DENND2C: variants seen among roughly 807,000 people sequenced by gnomAD.
DENND2C encodes DENN domain-containing protein 2C.
A neutral mutation model predicts 112.4 loss-of-function variants in DENND2C; 72 were observed. The observed-to-expected ratio is 0.64, with a 90% CI of 0.53 to 0.78. DENND2C has a LOEUF of 0.78. DENND2C is among the 30% of genes least tolerant of loss of function. The pLI is 0.00. For missense variants in DENND2C, 992 were observed against 1,113.8 expected (o/e 0.89, Z 1.56); for synonymous variants, 329 against 381.6 (o/e 0.86, Z 1.61).
chr1:114,616,070 C>T (rs780016969), intron 8 of DENND2C, among the ~76,000 whole-genome samples: 1 of 145,514 alleles, frequency 6.9e-6, no homozygotes, highest in Non-Finnish European at 1.5e-5. Flanking sequence ...GCAAGACTGT[C>T]TCAAAAGAAA....
intron 16 of DENND2C, 113 bp downstream of exon 16, chr1:114,599,161 T>C: frequency 1.4e-6 from 1 of 729,496 alleles, no homozygotes; most frequent in Non-Finnish European, 2.0e-6. Flanking sequence ...AATAGAAATA[T>C]TATAAATAGC....
intron 3 of DENND2C, among the ~76,000 whole-genome samples, chr1:114,641,925 T>C (rs1656847042): frequency 6.6e-6 from 1 of 152,092 alleles, no homozygotes; most frequent in Non-Finnish European, 1.5e-5. Context: ...GTTTCCGGTA[T>C]ATATCATATA....
At chr1:114,623,475 C>A in intron 5 of DENND2C, 32 bp downstream of exon 5, 1 of 1,588,670 alleles carries the variant, frequency 6.3e-7, no homozygotes, top group Non-Finnish European at 8.6e-7. Context: ...TATATAATCA[C>A]TAAATTTAAC....
At chr1:114,635,387 C>T (rs1357507021) in intron 3 of DENND2C, among the ~76,000 whole-genome samples, 3 of 149,706 alleles carry the variant, frequency 2.0e-5, no homozygotes, top group African/African-American at 7.3e-5. Context: ...AAACAAAAAA[C>T]TGCTTCTTTG....
intron 18 of DENND2C, 132 bp downstream of exon 18, chr1:114,594,341 T>C (rs1251053911): frequency 2.8e-6 from 2 of 705,960 alleles, no homozygotes; most frequent in Admixed American, 5.2e-5. Context: ...GCAAGGAAGC[T>C]GATTATAGGA....
At chr1:114,659,269 G>A (rs1253557106) in intron 1 of DENND2C, among the ~76,000 whole-genome samples, 2 of 152,214 alleles carry the variant, frequency 1.3e-5, no homozygotes, top group Non-Finnish European at 2.9e-5. Flanking sequence ...GGGAGGTAGA[G>A]GCGGGTGGAT....
At chr1:114,601,005 T>C (rs374113151) in intron 13 of DENND2C, 45 bp from the exon 14 acceptor site, 11 of 1,562,674 alleles carry the variant, frequency 7.0e-6, no homozygotes, top group Non-Finnish European at 9.5e-6. Flanking sequence ...AGTTAAAAAA[T>C]ATAAAAGAAT....
intron 20 of DENND2C, chr1:114,587,060 G>C (rs1446735165): frequency 8.7e-6 from 2 of 228,850 alleles, no homozygotes; most frequent in Admixed American, 9.8e-5. Flanking sequence ...ACTAAACCAG[G>C]CTAATTTTTG....
intron 1 of DENND2C, among the ~76,000 whole-genome samples, chr1:114,663,192 G>A (rs1040604679): frequency 1.8e-4 from 28 of 152,108 alleles, no homozygotes; most frequent in African/African-American, 6.8e-4. Context: ...AAGAAAAAGA[G>A]AATAAAATTC....
In DENND2C at chr1:114,662,984, G is replaced by A. The variant is rs181217677; in HGVS notation, c.-574+6999C>T. On this transcript the variant is annotated intron_variant, in intron 1 of 20. Coordinates refer to ENST00000393274, the MANE Select transcript of DENND2C (RefSeq NM_001256404.2). ...AGAAAAGGAAAAGGAAGAAGGAAGAGGGAAAAGGAAAGGGAGGAAGGAAAA... is the reference window on the plus strand; with the variant it reads ...AGAAAAGGAAAAGGAAGAAGGAAGAAGGAAAAGGAAAGGGAGGAAGGAAAA... Among the ~76,000 whole-genome samples, 320 of 151,222 alleles carry A rather than the reference G, an allele frequency of 2.1e-3. 2 individuals carry two copies. Among genetic ancestry groups the A allele is most frequent in the African/African-American group, 7.2e-3 (296 of 41,152 alleles).
intron 8 of DENND2C, among the ~76,000 whole-genome samples, chr1:114,612,377 GGT>G (rs1655844644): frequency 6.7e-6 from 1 of 149,250 alleles, no homozygotes; most frequent in Non-Finnish European, 1.5e-5. Context: ...TTTGAGACAG[GGT>G]CTCACTCTGC....
chr1:114,653,374 G>A (rs1657221993), intron 2 of DENND2C, among the ~76,000 whole-genome samples: 1 of 152,068 alleles, frequency 6.6e-6, no homozygotes, highest in Admixed American at 6.6e-5. Flanking sequence ...CTCCCCAAGT[G>A]CTGGGATTAC....
chr1:114,600,479 G>A, intron 14 of DENND2C, 127 bp from the exon 15 acceptor site: 1 of 1,251,122 alleles, frequency 8.0e-7, no homozygotes, highest in Non-Finnish European at 1.1e-6. Context: ...GGTCTGTGAA[G>A]CTTCCTATAC....
At chr1:114,612,975 A>G (rs926107042) in intron 8 of DENND2C, among the ~76,000 whole-genome samples, 1 of 152,300 alleles carries the variant, frequency 6.6e-6, no homozygotes, top group South Asian at 2.1e-4. Flanking sequence ...TTTTAAATCC[A>G]TATGTTCTTT....
chr1:114,651,758 A>G (rs1657172359), intron 2 of DENND2C, among the ~76,000 whole-genome samples: 1 of 152,178 alleles, frequency 6.6e-6, no homozygotes, highest in Admixed American at 6.5e-5. Context: ...AAAAAGGAAA[A>G]GTTATTTCCA....
At position 114,625,597 on chromosome 1, in the gene DENND2C, C is replaced by T. The variant is rs758806225; in HGVS notation, c.388G>A (p.Asp130Asn). 6.2e-7 allele frequency: 1 copy of T among 1,614,096 alleles called. No homozygotes were observed. Among genetic ancestry groups the T allele is most frequent in the Admixed American group, 1.7e-5 (1 of 60,022 alleles). ...AATGAAGTCTCTGGATCTAAGACAT[C>T]TTCTTTACAGCTTTCAATTTCTTTG... Reference protein sequence around the residue: ...RVKEIESCKEDVLDPETSLPP... With the variant: ...RVKEIESCKENVLDPETSLPP... Residue 130 changes from aspartate to asparagine, a missense_variant, in exon 4 of 21, where the codon GAT becomes AAT. By Grantham distance (23) the Asp-to-Asn change is conservative (BLOSUM62 1). Around this residue, in one of 3 missense-constraint regions of DENND2C, gnomAD observed 470 missense variants for 472.7 expected, o/e 0.99. Coordinates refer to ENST00000393274, the MANE Select transcript of DENND2C (RefSeq NM_001256404.2).
intron 10 of DENND2C, among the ~76,000 whole-genome samples, chr1:114,608,276 AAAAG>A (rs1655714262): frequency 1.3e-5 from 2 of 152,256 alleles, no homozygotes; most frequent in South Asian, 4.1e-4. Flanking sequence ...CTAAAAAAAA[AAAAG>A]AAAGAAAAAG....
intron 1 of DENND2C, among the ~76,000 whole-genome samples, chr1:114,664,509 C>T (rs1437139360): frequency 2.0e-5 from 3 of 151,730 alleles, no homozygotes; most frequent in East Asian, 2.0e-4. Context: ...TGGAGAGTTT[C>T]GCTCTTGTCT....
intron 6 of DENND2C, 106 bp downstream of exon 6, chr1:114,622,881 C>A: frequency 3.2e-5 from 21 of 661,978 alleles, no homozygotes; most frequent in East Asian, 7.3e-5. Flanking sequence ...TTAAAACTTA[C>A]ATTTCAGTGC....
Sources: gnomAD v4.1 joint callset for allele counts (sites outside exome capture counted in the v4.1 genomes callset) on GRCh38, gnomAD v4.1.1 for gene constraint, gnomAD v4.1.1 regional missense constraint, MANE v1.5 for transcripts, NCBI Gene and HGNC (gene_info 2026-07-23, HGNC 2026-07-21) for gene names.